The following FAM107B variants were observed in gnomAD, a reference collection of about 807,000 sequenced individuals.
The protein encoded by FAM107B is protein FAM107B.
FAM107B carries 21 observed loss-of-function variants against 31.5 expected under a neutral mutation model. That is an observed-to-expected ratio of 0.67 (90% confidence interval 0.47 to 0.96). The LOEUF (loss-of-function observed/expected upper bound fraction) is 0.96, where lower values mean the gene tolerates loss of function less well. Among genes scored for constraint, FAM107B ranks in the 40% least tolerant of loss-of-function variants. The pLI is 0.00. For missense variants in FAM107B, 452 were observed against 377.1 expected, an observed-to-expected ratio of 1.20 and a Z score of -1.64; for synonymous variants, 157 against 141.5, an observed-to-expected ratio of 1.11 and a Z score of -0.78.
intron 2 of FAM107B, among the ~76,000 whole-genome samples, chr10:14,653,636 CT>C (rs3832655): frequency 0.36 from 54,198 of 152,124 alleles, 9,865 homozygotes; most frequent in South Asian, 0.47. Context: ...GTTCCATTTC[CT>C]TGGTGGCAAT....
At chr10:14,546,661 T>C (rs1848725258) in intron 2 of FAM107B, among the ~76,000 whole-genome samples, 1 of 152,246 alleles carries the variant, frequency 6.6e-6, no homozygotes, top group South Asian at 2.1e-4. Context: ...CACGGTTATT[T>C]AGACATCCTC....
chr10:14,661,085 T>C (rs1036790845), intron 2 of FAM107B, among the ~76,000 whole-genome samples: 18 of 152,204 alleles, frequency 1.2e-4, no homozygotes, highest in Non-Finnish European at 2.1e-4. Context: ...ACCTGCCTAC[T>C]TCCCCTTCAC....
At chr10:14,711,928 G>C (rs2768697) in intron 1 of FAM107B, among the ~76,000 whole-genome samples, 1 of 152,182 alleles carries the variant, frequency 6.6e-6, no homozygotes, top group African/African-American at 2.4e-5. Flanking sequence ...ACAGGTGTGC[G>C]CCACCGCGCC....
chr10:14,521,770 G>T, intron 4 of FAM107B, 99 bp downstream of exon 4: 1 of 1,483,232 alleles, frequency 6.7e-7, no homozygotes, highest in Non-Finnish European at 9.1e-7. Context: ...TGGTATAAAT[G>T]TATACACTGG....
At chr10:14,721,815 A>G (rs1389123833) in intron 1 of FAM107B, among the ~76,000 whole-genome samples, 2 of 152,084 alleles carry the variant, frequency 1.3e-5, no homozygotes, top group African/African-American at 4.8e-5. Context: ...CTCTGATGGT[A>G]GTTTCTTTTG....
At chr10:14,570,233 G>GGTCGGTGTGTGT in intron 2 of FAM107B, among the ~76,000 whole-genome samples, 1 of 140,426 alleles carries the variant, frequency 7.1e-6, no homozygotes, top group East Asian at 2.0e-4. Flanking sequence ...AAATGTGGTG[G>GGTCGGTGTGTGT]GTGTGTGTGT....
At chr10:14,644,334 T>C (rs890886060) in intron 2 of FAM107B, among the ~76,000 whole-genome samples, 2 of 152,254 alleles carry the variant, frequency 1.3e-5, no homozygotes, top group Admixed American at 6.5e-5. Context: ...AGGTAGGTCA[T>C]TTATCTATTT....
At chr10:14,521,722 A>T in intron 4 of FAM107B, 147 bp downstream of exon 4, 1 of 1,219,580 alleles carries the variant, frequency 8.2e-7, no homozygotes, top group Non-Finnish European at 1.1e-6. Context: ...AACATATTTG[A>T]CCCCATTTGC....
chr10:14,561,222 A>G (rs1850212286), intron 2 of FAM107B, among the ~76,000 whole-genome samples: 1 of 152,228 alleles, frequency 6.6e-6, no homozygotes, highest in African/African-American at 2.4e-5. Context: ...GCCTAGCAGC[A>G]AAGGACACAA....
At chr10:14,544,922 G>C (rs1213217024) in intron 2 of FAM107B, among the ~76,000 whole-genome samples, 1 of 152,180 alleles carries the variant, frequency 6.6e-6, no homozygotes, top group African/African-American at 2.4e-5. Context: ...GTGTCTGTGT[G>C]TACAAATGCA....
At chr10:14,700,871 A>T (rs1342276401) in intron 1 of FAM107B, among the ~76,000 whole-genome samples, 1 of 144,894 alleles carries the variant, frequency 6.9e-6, no homozygotes, top group Non-Finnish European at 1.5e-5. Flanking sequence ...GGTGAGTGCA[A>T]AAGTAGAGCT....
At chr10:14,721,297 T>A (rs555208737) in intron 1 of FAM107B, among the ~76,000 whole-genome samples, 246 of 152,296 alleles carry the variant, frequency 1.6e-3, no homozygotes, top group African/African-American at 5.7e-3. Flanking sequence ...ATAGTGCCGC[T>A]ATAAACATAC....
intron 2 of FAM107B, among the ~76,000 whole-genome samples, chr10:14,559,690 C>T (rs1850065760): frequency 6.6e-6 from 1 of 151,806 alleles, no homozygotes; most frequent in Non-Finnish European, 1.5e-5. Context: ...CTGCCTCAGC[C>T]TTCTCCGAGT....
intron 2 of FAM107B, among the ~76,000 whole-genome samples, chr10:14,656,766 G>A (rs973079831): frequency 1.1e-4 from 16 of 152,200 alleles, no homozygotes; most frequent in Admixed American, 7.2e-4. Context: ...GTGAAAGAGT[G>A]TAGAAACGCA....
intron 2 of FAM107B, among the ~76,000 whole-genome samples, chr10:14,606,298 T>A (rs551872272): frequency 6.6e-6 from 1 of 152,054 alleles, no homozygotes; most frequent in Non-Finnish European, 1.5e-5. Flanking sequence ...TGAGAATCAG[T>A]CTTCTCTGGA....
chr10:14,718,365 GGGAAAGAAAAGAAAGAAA>G (rs1408302800), intron 1 of FAM107B, among the ~76,000 whole-genome samples: 1 of 146,942 alleles, frequency 6.8e-6, no homozygotes, highest in Non-Finnish European at 1.5e-5. Context: ...AAGGGAGGGA[GGGAAAGAAAAGAAAGAAA>G]GGAAAGAAAG....
At chr10:14,658,138 G>A (rs780237908) in intron 2 of FAM107B, among the ~76,000 whole-genome samples, 17 of 152,100 alleles carry the variant, frequency 1.1e-4, no homozygotes, top group Non-Finnish European at 1.9e-4. Context: ...GAATTTATAC[G>A]ACAGTGAAAA....
intron 1 of FAM107B, among the ~76,000 whole-genome samples, chr10:14,740,599 G>C (rs1856413554): frequency 6.6e-6 from 1 of 152,086 alleles, no homozygotes; most frequent in African/African-American, 2.4e-5. Flanking sequence ...GCGTATATGG[G>C]CTTTAGTTAA....
At chr10:14,733,553 T>C (rs1181338612) in intron 1 of FAM107B, among the ~76,000 whole-genome samples, 2 of 152,188 alleles carry the variant, frequency 1.3e-5, no homozygotes, top group Admixed American at 1.3e-4. Context: ...TCAAATGATA[T>C]ATCATGGGGC....
Sources: allele counts gnomAD v4.1 joint callset (sites outside exome capture counted in the v4.1 genomes callset), GRCh38; gene constraint gnomAD v4.1.1; transcripts MANE v1.5; gene names NCBI Gene and HGNC (gene_info 2026-07-23, HGNC 2026-07-21).